NALF1: variants seen among roughly 807,000 people sequenced by gnomAD.
NALF1 encodes the protein family with sequence similarity 155 member A.
In NALF1, 3 loss-of-function variants were observed where a neutral mutation model predicts 48.4. The observed-to-expected ratio is 0.06, with a 90% CI of 0.03 to 0.16. The LOEUF (loss-of-function observed/expected upper bound fraction) is 0.16, where lower values mean the gene tolerates loss of function less well. Ranked by LOEUF, NALF1 falls within the 10% of genes least tolerant of loss-of-function variation. NALF1 has a pLI of 1.00. For synonymous variants in NALF1, 262 were observed against 245.7 expected (o/e 1.07, Z -0.62); for missense variants, 526 against 571.5 (o/e 0.92, Z 0.81).
chr13:107,224,959 A>T (rs1316271960), intron 1 of NALF1, among the ~76,000 whole-genome samples: 4 of 152,146 alleles, frequency 2.6e-5, no homozygotes, highest in African/African-American at 9.7e-5. Context: ...TCAATTTCAT[A>T]CCTAAGTGGG....
intron 1 of NALF1, among the ~76,000 whole-genome samples, chr13:107,677,398 C>G (rs1026005291): frequency 2.6e-5 from 4 of 152,190 alleles, no homozygotes; most frequent in Non-Finnish European, 5.9e-5. Flanking sequence ...TTGAGAAAAA[C>G]AGAAATATCA....
chr13:107,592,479 C>G lies in NALF1; in HGVS notation c.915+273203G>C, dbSNP rs181911048. Among the ~76,000 whole-genome samples, 11 of 151,784 alleles carry G rather than the reference C, an allele frequency of 7.2e-5. No homozygotes were observed. In the East Asian group the frequency reaches 1.9e-3, roughly 27 times the overall value. ...GTTTGTCCTTTGACATTATTTACAC[C>G]ATTGCTATGAAAAAACATTACTTAG... On this transcript the variant is annotated intron_variant, in intron 1 of 2. Transcript: ENST00000375915.
intron 1 of NALF1, among the ~76,000 whole-genome samples, chr13:107,826,095 T>A (rs1382882994): frequency 6.6e-6 from 1 of 151,992 alleles, no homozygotes; most frequent in Non-Finnish European, 1.5e-5. Context: ...CGAGTACTAT[T>A]TCTTAAAGAG....
chr13:107,609,688 C>CA (rs112528461), intron 1 of NALF1, among the ~76,000 whole-genome samples: 32 of 151,742 alleles, frequency 2.1e-4, no homozygotes, highest in Non-Finnish European at 2.8e-4. Context: ...TGAAATCCTC[C>CA]AAAAAAAATG....
At chr13:107,567,872 C>G (rs1041460867) in intron 1 of NALF1, among the ~76,000 whole-genome samples, 1 of 152,176 alleles carries the variant, frequency 6.6e-6, no homozygotes, top group Admixed American at 6.5e-5. Context: ...AATGAAACTA[C>G]GTGATTTGTA....
intron 1 of NALF1, among the ~76,000 whole-genome samples, chr13:107,590,800 C>A (rs1280728945): frequency 6.6e-6 from 1 of 152,060 alleles, no homozygotes; most frequent in East Asian, 1.9e-4. Context: ...AGAGGCCAAG[C>A]ACCTTTCTCA....
At chr13:107,734,058 G>C (rs1208490049) in intron 1 of NALF1, among the ~76,000 whole-genome samples, 3 of 152,134 alleles carry the variant, frequency 2.0e-5, no homozygotes, top group African/African-American at 7.2e-5. Context: ...TTTGTGTATA[G>C]AAACTTACCT....
intron 1 of NALF1, among the ~76,000 whole-genome samples, chr13:107,513,585 G>C (rs927261587): frequency 6.6e-6 from 1 of 151,196 alleles, no homozygotes; most frequent in Non-Finnish European, 1.5e-5. Flanking sequence ...GAAGGTAAAC[G>C]TAATAATAGA....
chr13:107,622,868 C>T (rs113652284), intron 1 of NALF1, among the ~76,000 whole-genome samples: 94 of 152,278 alleles, frequency 6.2e-4, no homozygotes, highest in African/African-American at 1.8e-3. Context: ...ATCCCATCTA[C>T]GGAGTTTTCT....
intron 1 of NALF1, among the ~76,000 whole-genome samples, chr13:107,489,210 G>T (rs1283804051): frequency 6.6e-6 from 1 of 152,152 alleles, no homozygotes; most frequent in Admixed American, 6.6e-5. Flanking sequence ...ACTGCCTAAA[G>T]CAATTTATAG....
intron 1 of NALF1, among the ~76,000 whole-genome samples, chr13:107,511,042 G>A (rs536094239): frequency 7.2e-5 from 11 of 152,210 alleles, no homozygotes; most frequent in African/African-American, 1.2e-4. Context: ...GCCCTAAACC[G>A]TCTGAGTCCT....
At chr13:107,313,704 G>T (rs1399369038) in intron 1 of NALF1, among the ~76,000 whole-genome samples, 3 of 152,120 alleles carry the variant, frequency 2.0e-5, no homozygotes, top group African/African-American at 7.2e-5. Flanking sequence ...CCTGACTAAG[G>T]CATAAGTGAC....
intron 2 of NALF1, among the ~76,000 whole-genome samples, chr13:107,172,195 C>T (rs906174629): frequency 5.3e-5 from 8 of 152,330 alleles, no homozygotes; most frequent in African/African-American, 1.7e-4. Context: ...GTGAAACTCC[C>T]TGTATGAAGC....
At chr13:107,725,977 C>T (rs1876138064) in intron 1 of NALF1, among the ~76,000 whole-genome samples, 1 of 152,098 alleles carries the variant, frequency 6.6e-6, no homozygotes, top group Admixed American at 6.6e-5. Flanking sequence ...ATTGAGTAGA[C>T]ATTTTTCGCT....
intron 1 of NALF1, among the ~76,000 whole-genome samples, chr13:107,339,889 A>G (rs1343718595): frequency 2.0e-5 from 3 of 152,218 alleles, no homozygotes; most frequent in African/African-American, 7.2e-5. Context: ...ATAGATCACA[A>G]ACATATACAC....
intron 1 of NALF1, among the ~76,000 whole-genome samples, chr13:107,505,334 A>C (rs893509321): frequency 1.3e-5 from 2 of 152,194 alleles, no homozygotes; most frequent in Non-Finnish European, 2.9e-5. Flanking sequence ...ATGGCAAAGA[A>C]GAGTGGGTTT....
intron 1 of NALF1, among the ~76,000 whole-genome samples, chr13:107,727,530 G>A (rs1156709864): frequency 6.6e-6 from 1 of 152,186 alleles, no homozygotes; most frequent in East Asian, 1.9e-4. Flanking sequence ...CTCTGCTACA[G>A]TCCTTGCTTT....
chr13:107,385,057 T>TA (rs1883504469), intron 1 of NALF1, among the ~76,000 whole-genome samples: 1 of 152,226 alleles, frequency 6.6e-6, no homozygotes, highest in Non-Finnish European at 1.5e-5. Context: ...ATAATCAACA[T>TA]ACGGTGGTGA....
chr13:107,778,542 A>G (rs1457772125), intron 1 of NALF1, among the ~76,000 whole-genome samples: 1 of 152,218 alleles, frequency 6.6e-6, no homozygotes. Flanking sequence ...AATGGCTGGC[A>G]GTCTGTTGAA....
Sources: gnomAD v4.1 joint callset for allele counts (sites outside exome capture counted in the v4.1 genomes callset) on GRCh38, gnomAD v4.1.1 for gene constraint, MANE v1.5 for transcripts, NCBI Gene and HGNC (gene_info 2026-07-23, HGNC 2026-07-21) for gene names.